Variants in UBAP2 observed in about 807,000 individuals in gnomAD.
UBAP2 encodes the protein ubiquitin associated protein 2.
In UBAP2, 75 loss-of-function variants were observed where a neutral mutation model predicts 139.6. The ratio of observed to expected loss-of-function variants is 0.54; its 90% CI spans 0.45 to 0.65. The LOEUF is 0.65. Ranked by LOEUF, UBAP2 falls within the 30% of genes least tolerant of loss-of-function variation. The pLI is 0.00. For missense variants in UBAP2, 1,368 were observed against 1,369.6 expected (o/e 1.00, Z 0.02); for synonymous variants, 526 against 526.2 (o/e 1.00, Z 0.01).
rs752438398 is a variant in UBAP2 at position 33,960,862 on chromosome 9, A to C, written c.762T>G (p.Ser254=). Residue 254 remains serine, a synonymous_variant, in exon 10 of 29, where the codon TCT becomes TCG. Transcript: ENST00000379238. ...SYGLKGAWKN[S]VEEWTTEDWT... ...AGTCTTCTGTTGTCCACTCTTCCAC[A>C]GAATTCTTCCAAGCCCCTGTTGGGA... 1.9e-6 allele frequency: 3 copies of C among 1,614,010 alleles called. No homozygotes were observed. The highest frequency in any genetic ancestry group is 4.5e-5 in the East Asian group (2 of 44,898).
At chr9:33,966,657 T>C (rs1008186600) in intron 8 of UBAP2, among the ~76,000 whole-genome samples, 4 of 152,154 alleles carry the variant, frequency 2.6e-5, no homozygotes, top group African/African-American at 9.7e-5. Flanking sequence ...AATATTAACA[T>C]ACAAATCTTG....
intron 1 of UBAP2, among the ~76,000 whole-genome samples, chr9:34,043,797 A>G (rs1297433065): frequency 6.8e-6 from 1 of 147,914 alleles, no homozygotes; most frequent in East Asian, 2.0e-4. Context: ...CCAGGCTCCA[A>G]CTTTTTTTTT....
chr9:34,026,822 C>T (rs1231917817), intron 1 of UBAP2, among the ~76,000 whole-genome samples: 1 of 152,186 alleles, frequency 6.6e-6, no homozygotes, highest in Non-Finnish European at 1.5e-5. Flanking sequence ...GGACATTTGG[C>T]TCTACAGTGT....
chr9:34,041,011 CTTTG>C (rs1356495536), intron 1 of UBAP2, among the ~76,000 whole-genome samples: 3 of 152,234 alleles, frequency 2.0e-5, no homozygotes, highest in African/African-American at 7.2e-5. Context: ...AGAAAATGGA[CTTTG>C]TTTGTTGTGG....
chr9:34,039,497 T>C (rs1401182891), intron 1 of UBAP2, among the ~76,000 whole-genome samples: 1 of 152,188 alleles, frequency 6.6e-6, no homozygotes, highest in African/African-American at 2.4e-5. Flanking sequence ...CTCCATTTTG[T>C]TCTGTACTAA....
At chr9:34,042,771 C>T (rs534645000) in intron 1 of UBAP2, among the ~76,000 whole-genome samples, 1 of 146,988 alleles carries the variant, frequency 6.8e-6, no homozygotes, top group African/African-American at 2.5e-5. Context: ...GTTCATTTTA[C>T]TTTTTTTTTT....
intron 2 of UBAP2, among the ~76,000 whole-genome samples, chr9:34,013,276 G>A (rs1823929921): frequency 6.6e-6 from 1 of 151,918 alleles, no homozygotes; most frequent in Admixed American, 6.6e-5. Flanking sequence ...ACCACCTGCT[G>A]CAGTGGCTCA....
chr9:33,969,535 T>G (rs1827732952), intron 8 of UBAP2, among the ~76,000 whole-genome samples: 1 of 141,828 alleles, frequency 7.1e-6, no homozygotes, highest in South Asian at 2.3e-4. Flanking sequence ...GACAACAGAG[T>G]GAGATGCTCT....
chr9:33,938,881 G>C (rs1467723905), intron 16 of UBAP2: 2 of 454,698 alleles, frequency 4.4e-6, no homozygotes, highest in Admixed American at 4.7e-5. Flanking sequence ...TCAGGATATA[G>C]ACTCTAACTT....
intron 16 of UBAP2, among the ~76,000 whole-genome samples, chr9:33,938,530 C>T (rs1323670100): frequency 6.6e-6 from 1 of 152,194 alleles, no homozygotes; most frequent in Non-Finnish European, 1.5e-5. Flanking sequence ...GGCGTGGTGG[C>T]TCACGCCTGT....
intron 16 of UBAP2, among the ~76,000 whole-genome samples, chr9:33,937,708 G>A (rs977136055): frequency 1.4e-5 from 2 of 144,912 alleles, no homozygotes; most frequent in Non-Finnish European, 3.0e-5. Context: ...AGGAGTTCAA[G>A]ACCAGCCTGG....
At chr9:33,929,286 T>C (rs1184202655) in intron 19 of UBAP2, among the ~76,000 whole-genome samples, 2 of 152,250 alleles carry the variant, frequency 1.3e-5, no homozygotes, top group African/African-American at 4.8e-5. Flanking sequence ...AACTAGGTCC[T>C]GACTTGCTGA....
At chr9:33,996,015 T>C in intron 4 of UBAP2, 1 of 479,772 alleles carries the variant, frequency 2.1e-6, no homozygotes. Context: ...CCAAGTTCTC[T>C]TTCAAGTCAT....
At chr9:34,043,152 T>C (rs1446516844) in intron 1 of UBAP2, among the ~76,000 whole-genome samples, 1 of 152,310 alleles carries the variant, frequency 6.6e-6, no homozygotes, top group East Asian at 1.9e-4. Context: ...TTATGCCTCA[T>C]ATATCATCTA....
intron 16 of UBAP2, among the ~76,000 whole-genome samples, chr9:33,936,400 T>G (rs1441001580): frequency 6.6e-6 from 1 of 152,002 alleles, no homozygotes. Context: ...TTCAAGTGAT[T>G]CTCCTACCTC....
chr9:34,002,369 C>CA (rs1822782563), intron 2 of UBAP2, among the ~76,000 whole-genome samples: 1 of 137,844 alleles, frequency 7.3e-6, no homozygotes, highest in Non-Finnish European at 1.5e-5. Flanking sequence ...CAATCCACTG[C>CA]ATAGGTGCTT....
chr9:34,035,367 T>G (rs1826244622), intron 1 of UBAP2, among the ~76,000 whole-genome samples: 2 of 150,984 alleles, frequency 1.3e-5, no homozygotes, highest in Non-Finnish European at 3.0e-5. Context: ...CCGGGCATGA[T>G]GGCGGGTGCC....
At position 33,922,221 on chromosome 9, in the gene UBAP2, G is replaced by A. The variant is rs550971075; in HGVS notation, c.*283C>T. ...AGACCTGAAGGCAGATGGGGTGGGG[G>A]TGCTTATTTTGCTACAGTGGAGAAG... On this transcript the variant is annotated 3_prime_UTR_variant, in exon 29 of 29. Coordinates refer to ENST00000379238, the MANE Select transcript of UBAP2 (RefSeq NM_001370062.2). 4 of 433,736 alleles carry A rather than the reference G, an allele frequency of 9.2e-6. No homozygotes were observed. Among genetic ancestry groups the A allele is most frequent in the South Asian group, 7.0e-5 (3 of 42,722 alleles). 26.9% of individuals were successfully genotyped at this position (433,736 alleles called of 1,614,324 possible). A position where few individuals can be genotyped will look rare whatever the true frequency, so the allele number is the denominator to read the frequency against.
intron 1 of UBAP2, among the ~76,000 whole-genome samples, chr9:34,048,287 G>A (rs1371335033): frequency 6.6e-6 from 1 of 152,196 alleles, no homozygotes; most frequent in Non-Finnish European, 1.5e-5. Context: ...GGAAAACTGA[G>A]TCCCAATTGA....
Sources: allele counts gnomAD v4.1 joint callset (sites outside exome capture counted in the v4.1 genomes callset), GRCh38; gene constraint gnomAD v4.1.1; transcripts MANE v1.5; gene names NCBI Gene and HGNC (gene_info 2026-07-23, HGNC 2026-07-21).